PIBF1: variants seen among roughly 807,000 people sequenced by gnomAD.
PIBF1 encodes progesterone-induced-blocking factor 1.
Under a neutral mutation model 112.5 loss-of-function variants are expected in PIBF1, and 90 were observed. The ratio of observed to expected loss-of-function variants is 0.80; its 90% CI spans 0.67 to 0.95. PIBF1 has a LOEUF of 0.95. PIBF1 is among the 40% of genes least tolerant of loss of function. PIBF1 has a pLI of 0.00. For synonymous variants in PIBF1, 301 were observed against 288.6 expected, an observed-to-expected ratio of 1.04 and a Z score of -0.44; for missense variants, 915 against 852.3, an observed-to-expected ratio of 1.07 and a Z score of -0.92.
Position 72,929,956 on chromosome 13 carries a change from C to T in PIBF1, c.1731-1209C>T, listed in dbSNP as rs148543354. Reference sequence around the variant, plus strand: ...CTCACTGTAACCTCGAACTCCTGGGCTCACGTGATCCCCCCATCTCAGCCT... The same window carrying T: ...CTCACTGTAACCTCGAACTCCTGGGTTCACGTGATCCCCCCATCTCAGCCT... On this transcript the variant is annotated intron_variant, in intron 13 of 17. Coordinates refer to ENST00000326291, the MANE Select transcript of PIBF1 (RefSeq NM_006346.4). Among the ~76,000 whole-genome samples the T allele has an allele frequency of 3.8e-3, 585 of 152,212 alleles. 3 individuals carry two copies. Among genetic ancestry groups the T allele is most frequent in the Admixed American group, 6.5e-3 (100 of 15,292 alleles).
chr13:72,925,542 C>CT (rs59074858), intron 13 of PIBF1, among the ~76,000 whole-genome samples: 4,904 of 101,946 alleles, frequency 0.048, 323 homozygotes, highest in East Asian at 0.18. Flanking sequence ...CTTTCTCTCT[C>CT]TTTTTTTTTT....
intron 16 of PIBF1, among the ~76,000 whole-genome samples, chr13:72,986,777 G>A (rs1195723317): frequency 1.4e-5 from 2 of 143,902 alleles, no homozygotes; most frequent in Admixed American, 7.4e-5. Context: ...TGCAAGCTCC[G>A]CTTCCCGGGT....
intron 13 of PIBF1, among the ~76,000 whole-genome samples, chr13:72,925,024 A>G (rs145128025): frequency 1.8e-4 from 28 of 152,298 alleles, no homozygotes; most frequent in African/African-American, 6.5e-4. Context: ...TACAGAAAAC[A>G]TATTTGTGAG....
intron 14 of PIBF1, among the ~76,000 whole-genome samples, chr13:72,960,098 A>C (rs2042564912): frequency 6.6e-6 from 1 of 152,174 alleles, no homozygotes; most frequent in South Asian, 2.1e-4. Context: ...AACTTTGGGG[A>C]TTTAGAAGCC....
chr13:72,903,976 C>T (rs950377645), intron 11 of PIBF1, among the ~76,000 whole-genome samples: 3 of 152,100 alleles, frequency 2.0e-5, no homozygotes, highest in African/African-American at 7.2e-5. Context: ...AGTACCAATT[C>T]ATAGAAATCC....
chr13:72,926,322 A>G (rs144138439), intron 13 of PIBF1, among the ~76,000 whole-genome samples: 13 of 152,352 alleles, frequency 8.5e-5, no homozygotes, highest in African/African-American at 2.6e-4. Flanking sequence ...CGCATGTGCT[A>G]TCATATGAAT....
intron 11 of PIBF1, among the ~76,000 whole-genome samples, chr13:72,896,371 C>T (rs1232436735): frequency 6.6e-6 from 1 of 152,078 alleles, no homozygotes; most frequent in Non-Finnish European, 1.5e-5. Context: ...GAAAACCAAC[C>T]CTGGTAATAT....
chr13:72,848,251 G>T (rs2037960755), intron 9 of PIBF1, among the ~76,000 whole-genome samples: 1 of 152,072 alleles, frequency 6.6e-6, no homozygotes, highest in African/African-American at 2.4e-5. Flanking sequence ...ATTTCGAAGG[G>T]TCCTAAAGTT....
At position 72,998,912 on chromosome 13, in the gene PIBF1, G is replaced by GAAAA. The variant is rs2043768836; in HGVS notation, c.2140_2141insAAAA (p.Val714GlufsTer15). ...TCTCACTAAAACAGAACCAAAACATGTGACAGAAAATCAGAAATCAAAGAC... is the reference window on the plus strand; with the variant it reads ...TCTCACTAAAACAGAACCAAAACATGAAAATGACAGAAAATCAGAAATCAAAGAC... On this transcript the variant is annotated frameshift_variant, in exon 17 of 18. Coordinates refer to ENST00000326291, the MANE Select transcript of PIBF1 (RefSeq NM_006346.4). LOFTEE classifies it high-confidence loss of function. 2 of 1,612,088 alleles carry GAAAA rather than the reference G, an allele frequency of 1.2e-6. No homozygotes were observed. Among genetic ancestry groups the GAAAA allele is most frequent in the Non-Finnish European group, 8.5e-7 (1 of 1,178,486 alleles).
At chr13:72,853,991 A>G in intron 9 of PIBF1, 66 bp from the exon 10 acceptor site, 1 of 1,192,178 alleles carries the variant, frequency 8.4e-7, no homozygotes, top group Non-Finnish European at 1.2e-6. Context: ...CAGATAGTCC[A>G]TCTTTAAGAA....
intron 16 of PIBF1, among the ~76,000 whole-genome samples, chr13:72,988,619 T>A (rs2043379011): frequency 6.6e-6 from 1 of 152,248 alleles, no homozygotes; most frequent in Non-Finnish European, 1.5e-5. Flanking sequence ...GTAGAATGGA[T>A]GACTTTGAAT....
At chr13:72,792,663 T>G (rs77614879) in intron 3 of PIBF1, 116 bp downstream of exon 3, 72,610 of 575,424 alleles carry the variant, frequency 0.13, 5,613 homozygotes, top group Middle Eastern at 0.18. Context: ...AAGTCAGAGA[T>G]AGCAATAATT....
intron 16 of PIBF1, among the ~76,000 whole-genome samples, chr13:72,978,610 CAG>C (rs2043081990): frequency 6.6e-6 from 1 of 152,086 alleles, no homozygotes; most frequent in East Asian, 1.9e-4. Flanking sequence ...CCAGAAAACT[CAG>C]AGCTGAATAT....
At chr13:72,809,289 A>G (rs1034581175) in intron 5 of PIBF1, among the ~76,000 whole-genome samples, 1 of 151,816 alleles carries the variant, frequency 6.6e-6, no homozygotes, top group African/African-American at 2.4e-5. Context: ...ATCACATAGT[A>G]TCTTTTTCTA....
chr13:72,895,439 T>G (rs2138581750), intron 11 of PIBF1, among the ~76,000 whole-genome samples: 1 of 151,730 alleles, frequency 6.6e-6, no homozygotes, highest in African/African-American at 2.4e-5. Flanking sequence ...CAAGAGGACA[T>G]GCCTTCGCCT....
chr13:72,853,933 A>C, intron 9 of PIBF1, 124 bp from the exon 10 acceptor site: 1 of 672,956 alleles, frequency 1.5e-6, no homozygotes, highest in Non-Finnish European at 2.6e-6. Flanking sequence ...AGGTTTATAT[A>C]GTGTACACTT....
At position 72,913,425 on chromosome 13, in the gene PIBF1, A is replaced by C. The variant is rs114857863; in HGVS notation, c.1640-3651A>C. 7.1e-3 allele frequency among the ~76,000 whole-genome samples: 1,077 copies of C among 152,300 alleles called. 15 individuals carry two copies. Among genetic ancestry groups the C allele is most frequent in the African/African-American group, 0.025 (1,038 of 41,564 alleles). On this transcript the variant is annotated intron_variant, in intron 12 of 17. Transcript: ENST00000326291. ...ACTTTCTTTGAAATGCATCAAAAAA[A>C]CATTCATGGAAACGGGTGGATATAT...
intron 16 of PIBF1, 51 bp downstream of exon 16, chr13:72,973,726 ACTG>A (rs760612206): frequency 4.0e-6 from 4 of 990,172 alleles, no homozygotes; most frequent in Middle Eastern, 2.1e-4. Flanking sequence ...TTTTTTAAAA[ACTG>A]CTATCAGGTT....
At chr13:72,935,398 C>T (rs1400546105) in intron 14 of PIBF1, among the ~76,000 whole-genome samples, 1 of 152,062 alleles carries the variant, frequency 6.6e-6, no homozygotes, top group Non-Finnish European at 1.5e-5. Context: ...TTTTTCATTA[C>T]TGAGTAACAT....
Sources: allele counts gnomAD v4.1 joint callset (sites outside exome capture counted in the v4.1 genomes callset), GRCh38; gene constraint gnomAD v4.1.1; transcripts MANE v1.5; gene names NCBI Gene and HGNC (gene_info 2026-07-23, HGNC 2026-07-21).